Variants in TMEM132C observed in about 807,000 individuals in gnomAD.
The protein encoded by TMEM132C is transmembrane protein 132C, also known as protein phosphatase 1, regulatory subunit 152.
Under a neutral mutation model 61.4 loss-of-function variants are expected in TMEM132C, and 29 were observed. The observed-to-expected ratio is 0.47, with a 90% CI of 0.35 to 0.64. The LOEUF is 0.64. Among genes scored for constraint, TMEM132C ranks in the 30% least tolerant of loss-of-function variants. The probability of loss-of-function intolerance (pLI) is 0.00; values close to 1 mark genes in which losing one functional copy is unlikely to be tolerated. For synonymous variants in TMEM132C, 656 were observed against 633.1 expected, an observed-to-expected ratio of 1.04 and a Z score of -0.54; for missense variants, 1,408 against 1,476.9, an observed-to-expected ratio of 0.95 and a Z score of 0.76.
intron 8 of TMEM132C, among the ~76,000 whole-genome samples, chr12:128,704,655 G>C (rs1409273227): frequency 6.6e-6 from 1 of 152,160 alleles, no homozygotes; most frequent in East Asian, 1.9e-4. Context: ...TCATCAGGCT[G>C]GATACAGACA....
At chr12:128,673,822 A>C (rs7960753) in intron 5 of TMEM132C, among the ~76,000 whole-genome samples, 68,462 of 152,078 alleles carry the variant, frequency 0.45, 17,890 homozygotes, top group East Asian at 0.58. Context: ...CATGAGGATT[A>C]ATCAGTTTTA....
intron 2 of TMEM132C, among the ~76,000 whole-genome samples, chr12:128,493,939 G>T (rs950081862): frequency 6.6e-5 from 10 of 152,162 alleles, no homozygotes; most frequent in Non-Finnish European, 1.5e-4. Context: ...GTTTTCAAAG[G>T]AAATGCTTCC....
At chr12:128,345,412 G>A (rs1311067770) in intron 1 of TMEM132C, among the ~76,000 whole-genome samples, 1 of 152,138 alleles carries the variant, frequency 6.6e-6, no homozygotes, top group African/African-American at 2.4e-5. Flanking sequence ...ATTCCTTTGA[G>A]TATATACCTA....
chr12:128,351,711 G>A (rs77715737), intron 1 of TMEM132C, among the ~76,000 whole-genome samples: 16 of 152,108 alleles, frequency 1.1e-4, no homozygotes, highest in Admixed American at 9.8e-4. Flanking sequence ...GGGAACTAAG[G>A]GGGAGGGCTG....
rs142050250 is a variant in TMEM132C at position 128,589,823 on chromosome 12, A to G, written c.1122-26329A>G. 6.1e-3 allele frequency among the ~76,000 whole-genome samples: 936 copies of G among 152,212 alleles called. 7 individuals are homozygous for G. Among genetic ancestry groups the G allele is most frequent in the Non-Finnish European group, 9.3e-3 (633 of 68,008 alleles). On this transcript the variant is annotated intron_variant, in intron 3 of 8. Coordinates refer to ENST00000435159, the MANE Select transcript of TMEM132C (RefSeq NM_001136103.3). Reference sequence around the variant, plus strand: ...AAGGTACTTATGCTTTCTATGCCTCAGTTTTCTCACCTGTAAAGTGGGAAT... The same window carrying G: ...AAGGTACTTATGCTTTCTATGCCTCGGTTTTCTCACCTGTAAAGTGGGAAT...
chr12:128,695,721 T>C lies in TMEM132C; in HGVS notation c.1656-109T>C, dbSNP rs1481348523. On this transcript the variant is annotated intron_variant, in intron 6 of 8. Transcript: ENST00000435159. ...GGTGCCCCTTGCATGGTCCTGGCGCTCGTGTCTTCAATGTGGTCTCCTTGA... is the reference window on the plus strand; with the variant it reads ...GGTGCCCCTTGCATGGTCCTGGCGCCCGTGTCTTCAATGTGGTCTCCTTGA... 14 of 1,259,968 alleles carry C rather than the reference T, an allele frequency of 1.1e-5. No individual in the cohort carries two copies. In the East Asian group the frequency reaches 3.1e-4, roughly 28 times the overall value. The allele number at this position is 1,259,968 out of a possible 1,614,324, so 78.0% of individuals were successfully genotyped here. A position where few individuals can be genotyped will look rare whatever the true frequency, so the allele number is the denominator to read the frequency against.
At chr12:128,407,133 G>C in intron 1 of TMEM132C, among the ~76,000 whole-genome samples, 1 of 152,172 alleles carries the variant, frequency 6.6e-6, no homozygotes. Flanking sequence ...GGAAACTGGT[G>C]GGAGGTAATT....
Position 128,414,949 on chromosome 12 carries a change from C to T in TMEM132C, c.303C>T (p.Pro101=), listed in dbSNP as rs77776935. 3 of 1,551,668 alleles carry T rather than the reference C, an allele frequency of 1.9e-6. No homozygotes were observed. The Admixed American group carries it at 5.9e-5, about 30-fold the overall frequency. ...CAGTGCTCAATGCCAGCTATGGACC[C>T]TTTTCTGTGGAGAAGGTTGTGCCTC... ...QPPVLNASYG[P]FSVEKVVPLD... The change falls in exon 2 of 9, where the codon CCC becomes CCT. Residue 101 remains proline, a synonymous_variant. Transcript: ENST00000435159.
At chr12:128,680,251 A>ACAAATGAGGAAATTT (rs1954624058) in intron 5 of TMEM132C, among the ~76,000 whole-genome samples, 1 of 152,162 alleles carries the variant, frequency 6.6e-6, no homozygotes, top group Non-Finnish European at 1.5e-5. Flanking sequence ...TCTAAGTCTT[A>ACAAATGAGGAAATTT]TTTTACAAAT....
chr12:128,658,654 A>C (rs1954355241), intron 4 of TMEM132C, among the ~76,000 whole-genome samples: 2 of 152,214 alleles, frequency 1.3e-5, no homozygotes, highest in Non-Finnish European at 2.9e-5. Flanking sequence ...AGCTAAAAGC[A>C]CATACAGGGA....
chr12:128,317,020 A>G (rs1273664769), intron 1 of TMEM132C, among the ~76,000 whole-genome samples: 2 of 152,216 alleles, frequency 1.3e-5, no homozygotes, highest in Non-Finnish European at 2.9e-5. Context: ...AGTTACATAA[A>G]TATCCTGAGG....
intron 2 of TMEM132C, among the ~76,000 whole-genome samples, chr12:128,511,139 G>A (rs560294395): frequency 3.3e-5 from 5 of 152,282 alleles, no homozygotes; most frequent in South Asian, 4.1e-4. Flanking sequence ...TGGATGAGTC[G>A]AGAAAGTACC....
At chr12:128,397,655 TC>T (rs1565923990) in intron 1 of TMEM132C, among the ~76,000 whole-genome samples, 1 of 152,090 alleles carries the variant, frequency 6.6e-6, no homozygotes, top group Non-Finnish European at 1.5e-5. Flanking sequence ...AAGGCCTGGG[TC>T]CCAATGCTTT....
chr12:128,687,588 T>C (rs1593148974), intron 5 of TMEM132C, among the ~76,000 whole-genome samples: 1 of 152,150 alleles, frequency 6.6e-6, no homozygotes, highest in African/African-American at 2.4e-5. Flanking sequence ...GTGGCAGGTG[T>C]GCACCTGGCA....
At chr12:128,429,392 A>G (rs1415890082) in intron 2 of TMEM132C, among the ~76,000 whole-genome samples, 1 of 152,202 alleles carries the variant, frequency 6.6e-6, no homozygotes, top group Admixed American at 6.5e-5. Flanking sequence ...GGCTAGGTAG[A>G]TGACCACAGC....
chr12:128,631,547 A>G lies in TMEM132C; in HGVS notation c.1305+15212A>G, dbSNP rs12310689. On this transcript the variant is annotated intron_variant, in intron 4 of 8. Transcript: ENST00000435159. The stretch of plus-strand genomic sequence containing the variant: ...TGGTATGTTAAACTCTAAAAATTAA[A>G]CAACGCATAGTGGAAGATTTTGAAT... 6.8e-3 allele frequency among the ~76,000 whole-genome samples: 1,031 copies of G among 152,344 alleles called. 14 individuals carry two copies. The highest frequency in any genetic ancestry group is 0.022 in the African/African-American group (916 of 41,572).
intron 2 of TMEM132C, among the ~76,000 whole-genome samples, chr12:128,448,648 A>G (rs1191477026): frequency 6.6e-6 from 1 of 152,198 alleles, no homozygotes; most frequent in Non-Finnish European, 1.5e-5. Flanking sequence ...GAATGGGGAA[A>G]CAGATCCCAC....
In TMEM132C at chr12:128,360,309, G is replaced by A. The variant is rs1341054751; in HGVS notation, c.86-54423G>A. On this transcript the variant is annotated intron_variant, in intron 1 of 8. Transcript: ENST00000435159. Reference sequence around the variant, plus strand: ...CAGGATAACAGAGAGAGAACAATAGGAGGAATCTAGATTTGATTGGAGCGA... The same window carrying A: ...CAGGATAACAGAGAGAGAACAATAGAAGGAATCTAGATTTGATTGGAGCGA... Among the ~76,000 whole-genome samples, 9 of 151,572 alleles carry A rather than the reference G, an allele frequency of 5.9e-5. No homozygotes were observed. The East Asian group carries it at 1.7e-3, about 29-fold the overall frequency.
chr12:128,641,821 G>A (rs1308825490), intron 4 of TMEM132C, among the ~76,000 whole-genome samples: 4 of 152,150 alleles, frequency 2.6e-5, no homozygotes, highest in Admixed American at 6.5e-5. Flanking sequence ...TTGAGATGGA[G>A]TCTCACTCTG....
Sources: gnomAD v4.1 joint callset for allele counts (sites outside exome capture counted in the v4.1 genomes callset) on GRCh38, gnomAD v4.1.1 for gene constraint, MANE v1.5 for transcripts, NCBI Gene and HGNC (gene_info 2026-07-23, HGNC 2026-07-21) for gene names.